The following KIAA1958 variants were observed in gnomAD, a reference collection of about 807,000 sequenced individuals.
KIAA1958 encodes KIAA1958.
KIAA1958 carries 14 observed loss-of-function variants against 47.2 expected under a neutral mutation model. The observed-to-expected ratio is 0.30, with a 90% CI of 0.20 to 0.46. The LOEUF is 0.46. Among genes scored for constraint, KIAA1958 ranks in the 20% least tolerant of loss-of-function variants. KIAA1958 has a pLI of 1.00. For synonymous variants in KIAA1958, 354 were observed against 353.3 expected, an observed-to-expected ratio of 1.00 and a Z score of -0.02; for missense variants, 803 against 909.2, an observed-to-expected ratio of 0.88 and a Z score of 1.50.
intron 2 of KIAA1958, among the ~76,000 whole-genome samples, chr9:112,604,637 G>C (rs984016910): frequency 6.6e-6 from 1 of 152,104 alleles, no homozygotes; most frequent in Non-Finnish European, 1.5e-5. Context: ...GGCTATAACA[G>C]GTAGGTAGAA....
chr9:112,581,892 A>G (rs1036226653), intron 2 of KIAA1958: 2 of 231,052 alleles, frequency 8.7e-6, no homozygotes, highest in African/African-American at 4.6e-5. Context: ...CTGAGATCAG[A>G]CCAGACTCAA....
intron 1 of KIAA1958, among the ~76,000 whole-genome samples, chr9:112,520,343 A>G (rs2132794641): frequency 6.6e-6 from 1 of 152,360 alleles, no homozygotes; most frequent in South Asian, 2.1e-4. Flanking sequence ...TGAAATTGAT[A>G]TATTGCATTA....
intron 2 of KIAA1958, among the ~76,000 whole-genome samples, chr9:112,628,774 AT>A (rs1836662460): frequency 6.6e-6 from 1 of 151,880 alleles, no homozygotes; most frequent in Non-Finnish European, 1.5e-5. Flanking sequence ...TCAAAAAAAT[AT>A]ATATATATTT....
intron 1 of KIAA1958, among the ~76,000 whole-genome samples, chr9:112,511,813 G>T (rs1267022122): frequency 2.6e-5 from 4 of 152,154 alleles, no homozygotes; most frequent in Non-Finnish European, 4.4e-5. Flanking sequence ...GAGATATACA[G>T]ATTACCAATA....
At chr9:112,657,372 A>G (rs915122981) in intron 3 of KIAA1958, among the ~76,000 whole-genome samples, 5 of 152,110 alleles carry the variant, frequency 3.3e-5, no homozygotes, top group Non-Finnish European at 2.9e-5. Flanking sequence ...GATTACAGGC[A>G]TGAGCCACCA....
At chr9:112,493,941 CTG>C (rs1481555606) in intron 1 of KIAA1958, among the ~76,000 whole-genome samples, 1 of 152,196 alleles carries the variant, frequency 6.6e-6, no homozygotes, top group African/African-American at 2.4e-5. Context: ...AATTACTTAA[CTG>C]TGCCATTGCA....
intron 1 of KIAA1958, among the ~76,000 whole-genome samples, chr9:112,504,438 C>T (rs567941318): frequency 1.8e-4 from 28 of 152,334 alleles, no homozygotes; most frequent in Admixed American, 8.5e-4. Context: ...ATCCACCGGC[C>T]TCGGCCTCCC....
In KIAA1958 at chr9:112,594,480, A is replaced by G. The variant is rs115448744; in HGVS notation, c.1171+19229A>G. Among the ~76,000 whole-genome samples the G allele has an allele frequency of 5.7e-3, 869 of 152,286 alleles. 12 individuals carry two copies. The highest frequency in any genetic ancestry group is 0.02 in the African/African-American group (826 of 41,562). Reference sequence around the variant, plus strand: ...ATTCTAGACATTTTATGTAAGTGCAATTGTACAATAGGTGTACAATGTGGT... The same window carrying G: ...ATTCTAGACATTTTATGTAAGTGCAGTTGTACAATAGGTGTACAATGTGGT... On this transcript the variant is annotated intron_variant, in intron 2 of 3. Transcript: ENST00000337530.
intron 2 of KIAA1958, among the ~76,000 whole-genome samples, chr9:112,643,073 T>G (rs1281879787): frequency 1.3e-5 from 2 of 152,236 alleles, no homozygotes; most frequent in Non-Finnish European, 2.9e-5. Flanking sequence ...AAAGCAGGCT[T>G]AGTTATTCTT....
chr9:112,565,039 C>T (rs1835403635), intron 1 of KIAA1958, among the ~76,000 whole-genome samples: 1 of 152,026 alleles, frequency 6.6e-6, no homozygotes, highest in African/African-American at 2.4e-5. Context: ...AAAATATTAG[C>T]TTTAGTTGCA....
chr9:112,659,346 C>A lies in KIAA1958; in HGVS notation c.1428C>A (p.Thr476=). 1 of 1,614,088 alleles carries A rather than the reference C, an allele frequency of 6.2e-7. No individual in the cohort carries two copies. The highest frequency in any genetic ancestry group is 1.7e-5 in the Admixed American group (1 of 60,016). ...GCGACGGCTCGGACTTCCTGGCCAC[C>A]TCGCTCCATGCTATTCGCCGAGGCC... is the stretch of plus-strand genomic sequence containing the variant. ...KKSDGSDFLA[T]SLHAIRRGLD... is the part of the protein sequence containing the mutation. Residue 476 remains threonine (T), a synonymous_variant, in exon 4 of 4, where the codon ACC becomes ACA. Coordinates refer to ENST00000337530, the MANE Select transcript of KIAA1958 (RefSeq NM_133465.4).
At chr9:112,605,139 C>G (rs915071123) in intron 2 of KIAA1958, among the ~76,000 whole-genome samples, 2 of 151,460 alleles carry the variant, frequency 1.3e-5, no homozygotes, top group African/African-American at 4.8e-5. Flanking sequence ...TGTCTCTAAG[C>G]ATTTCTTTCT....
intron 1 of KIAA1958, among the ~76,000 whole-genome samples, chr9:112,489,674 C>G (rs1406608468): frequency 6.6e-6 from 1 of 151,868 alleles, no homozygotes; most frequent in African/African-American, 2.4e-5. Flanking sequence ...TTTATTTTGA[C>G]AAATAAGTGC....
At chr9:112,525,131 T>C (rs2132801809) in intron 1 of KIAA1958, among the ~76,000 whole-genome samples, 1 of 152,354 alleles carries the variant, frequency 6.6e-6, no homozygotes, top group South Asian at 2.1e-4. Context: ...ATGTGTTTCA[T>C]TTCCCCAGAA....
At chr9:112,498,562 TA>T (rs1469372963) in intron 1 of KIAA1958, among the ~76,000 whole-genome samples, 1 of 152,176 alleles carries the variant, frequency 6.6e-6, no homozygotes, top group Admixed American at 6.5e-5. Context: ...AAAGTTTTTT[TA>T]TGTTGATATA....
At chr9:112,627,059 A>G (rs945319001) in intron 2 of KIAA1958, among the ~76,000 whole-genome samples, 27 of 152,314 alleles carry the variant, frequency 1.8e-4, no homozygotes, top group Non-Finnish European at 3.5e-4. Context: ...TGTGTACTTC[A>G]TTGTTTAATA....
chr9:112,621,431 G>C (rs755167191), intron 2 of KIAA1958, among the ~76,000 whole-genome samples: 1 of 152,154 alleles, frequency 6.6e-6, no homozygotes, highest in Non-Finnish European at 1.5e-5. Flanking sequence ...CTAAATTTTT[G>C]ATATGTTTCT....
At chr9:112,633,673 G>T (rs992914665) in intron 2 of KIAA1958, among the ~76,000 whole-genome samples, 1 of 151,980 alleles carries the variant, frequency 6.6e-6, no homozygotes, top group Non-Finnish European at 1.5e-5. Flanking sequence ...TCACCATAGA[G>T]TCATTTTATC....
chr9:112,565,162 T>C (rs1432977777), intron 1 of KIAA1958, among the ~76,000 whole-genome samples: 2 of 152,246 alleles, frequency 1.3e-5, no homozygotes, highest in African/African-American at 4.8e-5. Flanking sequence ...ATAATATAAA[T>C]GCTAATACAT....
Sources: allele counts gnomAD v4.1 joint callset (sites outside exome capture counted in the v4.1 genomes callset), GRCh38; gene constraint gnomAD v4.1.1; transcripts MANE v1.5; gene names NCBI Gene and HGNC (gene_info 2026-07-23, HGNC 2026-07-21).